DYSF: variants seen among roughly 807,000 people sequenced by gnomAD.
DYSF encodes dysferlin.
Under a neutral mutation model 274.9 loss-of-function variants are expected in DYSF, and 212 were observed. The observed-to-expected ratio is 0.77, with a 90% CI of 0.69 to 0.86. The LOEUF is 0.86. DYSF is among the 40% of genes least tolerant of loss of function. DYSF has a pLI of 0.00. For missense variants in DYSF, 2,666 were observed against 2,783.2 expected, an observed-to-expected ratio of 0.96 and a Z score of 0.95; for synonymous variants, 1,091 against 1,078.7, an observed-to-expected ratio of 1.01 and a Z score of -0.22.
chr2:71,614,084 G>A (rs896384503), intron 40 of DYSF, among the ~76,000 whole-genome samples: 44 of 152,172 alleles, frequency 2.9e-4, no homozygotes, highest in African/African-American at 1.0e-3. Flanking sequence ...GTGGCACCTT[G>A]TGCTGAGGGG....
At chr2:71,470,731 TC>T (rs1295731066) in intron 1 of DYSF, among the ~76,000 whole-genome samples, 2 of 126,176 alleles carry the variant, frequency 1.6e-5, no homozygotes, top group East Asian at 2.4e-4. Context: ...TTTCCTTCCT[TC>T]CTTCTTTCCT....
chr2:71,523,094 G>C (rs1321074218), intron 12 of DYSF, among the ~76,000 whole-genome samples: 1 of 152,206 alleles, frequency 6.6e-6, no homozygotes, highest in Non-Finnish European at 1.5e-5. Context: ...CCACAGTCCA[G>C]AATTGGCACA....
At chr2:71,638,361 CAAA>C (rs34513312) in intron 41 of DYSF, among the ~76,000 whole-genome samples, 3 of 130,154 alleles carry the variant, frequency 2.3e-5, no homozygotes, top group Non-Finnish European at 3.2e-5. Context: ...CTCATCACTG[CAAA>C]AAAAAAAAAA....
chr2:71,658,862 C>T lies in DYSF; in HGVS notation c.4756-16C>T, dbSNP rs2094825935. ...AATGATGATAAAAATGAAAATTAAC[C>T]CTTCCTTCTTTTCAGGGCCTCTTCA... On this transcript the variant is annotated splice_polypyrimidine_tract_variant and intron_variant, in intron 43 of 55. Coordinates refer to ENST00000410020, the MANE Select transcript of DYSF (RefSeq NM_001130987.2). 1.9e-6 allele frequency: 3 copies of T among 1,614,034 alleles called. No individual in the cohort carries two copies. The highest frequency in any genetic ancestry group is 1.7e-6 in the Non-Finnish European group (2 of 1,179,974).
intron 42 of DYSF, among the ~76,000 whole-genome samples, chr2:71,650,246 C>T (rs572271756): frequency 9.2e-5 from 14 of 152,136 alleles, no homozygotes; most frequent in South Asian, 4.2e-4. Context: ...TTTGGGAGGC[C>T]GAAGCAGGCA....
intron 3 of DYSF, among the ~76,000 whole-genome samples, chr2:71,492,696 C>T (rs1047437147): frequency 4.9e-5 from 5 of 101,906 alleles, no homozygotes; most frequent in African/African-American, 9.9e-5. Context: ...TATCTCCCTT[C>T]CTCCCCCCCC....
chr2:71,552,455 T>A (rs1426922545), intron 19 of DYSF, among the ~76,000 whole-genome samples: 1 of 152,238 alleles, frequency 6.6e-6, no homozygotes, highest in Non-Finnish European at 1.5e-5. Flanking sequence ...GTCTGACCCC[T>A]CTTCTCTCAG....
intron 1 of DYSF, among the ~76,000 whole-genome samples, chr2:71,455,998 AG>A (rs965702345): frequency 5.9e-5 from 9 of 152,312 alleles, no homozygotes; most frequent in Middle Eastern, 6.8e-3. Flanking sequence ...CCAGAAGTGC[AG>A]GAAGTGCTGC....
rs752601155 is a variant in DYSF at position 71,668,725 on chromosome 2, T to A, written c.5458-29T>A. 19 of 1,605,296 alleles carry A rather than the reference T, an allele frequency of 1.2e-5. No homozygotes were observed. In the South Asian group the frequency reaches 2.1e-4, roughly 18 times the overall value. On this transcript the variant is annotated intron_variant, in intron 48 of 55. Transcript: ENST00000410020. ...GTAACAGCTGGTTAAATGAGAAGGG[T>A]GGGGAGAGAACGGACCCTGTCTCCG...
rs530667410 is a variant in DYSF at position 71,676,899 on chromosome 2, A to C, written c.5885-2158A>C. Among the ~76,000 whole-genome samples, 124 of 150,478 alleles carry C rather than the reference A, an allele frequency of 8.2e-4. 1 individual carries two copies. The highest frequency in any genetic ancestry group is 7.4e-3 in the South Asian group (35 of 4,720). The stretch of plus-strand genomic sequence containing the variant: ...AGCCTGTGTTTCCTTACAGTCTTTT[A>C]TGTAGATCATGCTGAGATAATGTGT... On this transcript the variant is annotated intron_variant, in intron 52 of 55. Transcript: ENST00000410020.
chr2:71,667,309 A>G (rs1478960962), intron 47 of DYSF, 67 bp from the exon 48 acceptor site: 3 of 1,610,022 alleles, frequency 1.9e-6, no homozygotes, highest in African/African-American at 1.3e-5. Context: ...CAGCCTGTTC[A>G]CTGGGCAGCC....
At chr2:71,633,401 C>T (rs1050940754) in intron 41 of DYSF, among the ~76,000 whole-genome samples, 1 of 152,148 alleles carries the variant, frequency 6.6e-6, no homozygotes, top group Admixed American at 6.5e-5. Flanking sequence ...AACCTTTGTA[C>T]CGTGATTCCA....
chr2:71,556,917 A>C (rs2091378698), intron 22 of DYSF, among the ~76,000 whole-genome samples: 1 of 152,230 alleles, frequency 6.6e-6, no homozygotes, highest in Non-Finnish European at 1.5e-5. Flanking sequence ...GCCTGGCTGT[A>C]CAGCCCTGCT....
At position 71,517,020 on chromosome 2, in the gene DYSF, C is replaced by A; in HGVS notation, c.983C>A (p.Ala328Asp). 1.2e-6 allele frequency: 2 copies of A among 1,614,180 alleles called. No individual in the cohort carries two copies. Among genetic ancestry groups the A allele is most frequent in the South Asian group, 1.1e-5 (1 of 91,080 alleles). The change falls in exon 10 of 56, where the codon GCT becomes GAT. Residue 328 changes from alanine (A) to aspartate (D), a missense_variant. Ala to Asp is a moderately radical substitution (Grantham distance 126). Coordinates refer to ENST00000410020, the MANE Select transcript of DYSF (RefSeq NM_001130987.2). ...GACTCTCGTTCTCTCAGGACAGATG[C>A]TCTCCTCGGGGAGTTCCGGGTAATT... ...VVDSRSLRTD[A>D]LLGEFRMDVG...
intron 20 of DYSF, 87 bp downstream of exon 20, chr2:71,553,275 G>A (rs2152791255): frequency 6.3e-7 from 1 of 1,588,132 alleles, no homozygotes; most frequent in East Asian, 2.2e-5. Context: ...ATGGAAAGCT[G>A]CCAGAGTCTA....
At chr2:71,657,212 C>T (rs1396534987) in intron 43 of DYSF, among the ~76,000 whole-genome samples, 3 of 152,180 alleles carry the variant, frequency 2.0e-5, no homozygotes, top group Non-Finnish European at 4.4e-5. Flanking sequence ...TCCAGTGGGA[C>T]AGTCATATTT....
intron 30 of DYSF, among the ~76,000 whole-genome samples, chr2:71,586,578 G>T (rs2093074873): frequency 6.6e-6 from 1 of 152,134 alleles, no homozygotes; most frequent in Non-Finnish European, 1.5e-5. Flanking sequence ...AAATCCCAAG[G>T]AGGGAGATGC....
intron 24 of DYSF, among the ~76,000 whole-genome samples, chr2:71,567,128 G>C (rs754441153): frequency 6.6e-6 from 1 of 152,196 alleles, no homozygotes; most frequent in African/African-American, 2.4e-5. Flanking sequence ...CTGACCTTTG[G>C]TTTCAATCAA....
intron 30 of DYSF, among the ~76,000 whole-genome samples, chr2:71,584,140 C>T (rs1250026504): frequency 7.0e-6 from 1 of 143,396 alleles, no homozygotes; most frequent in Non-Finnish European, 1.5e-5. Context: ...AAACCCAATG[C>T]CCTGGGCCTG....
Sources: allele counts gnomAD v4.1 joint callset (sites outside exome capture counted in the v4.1 genomes callset), GRCh38; gene constraint gnomAD v4.1.1; transcripts MANE v1.5; gene names NCBI Gene and HGNC (gene_info 2026-07-23, HGNC 2026-07-21).